EP300: variants seen among roughly 807,000 people sequenced by gnomAD.
EP300 encodes EP300 lysine acetyltransferase.
EP300 carries 31 observed loss-of-function variants against 264.0 expected under a neutral mutation model. The ratio of observed to expected loss-of-function variants is 0.12; its 90% CI spans 0.09 to 0.16. EP300 has a LOEUF of 0.16. Ranked by LOEUF, EP300 falls within the 10% of genes least tolerant of loss-of-function variation. EP300 has a pLI of 1.00. For missense variants in EP300, 2,766 were observed against 3,052.9 expected, an observed-to-expected ratio of 0.91 and a Z score of 2.21; for synonymous variants, 1,340 against 1,045.4, an observed-to-expected ratio of 1.28 and a Z score of -5.44.
rs760676839 is a variant in EP300, at chr22:41,178,091, A to G, written c.6380A>G (p.Asn2127Ser). The G allele has an allele frequency of 2.5e-6, 4 of 1,613,896 alleles. No homozygotes were observed. Among genetic ancestry groups the G allele is most frequent in the South Asian group, 1.1e-5 (1 of 91,076 alleles). The change falls in exon 31 of 31, where the codon AAT becomes AGT. Residue 2127 changes from asparagine (N) to serine (S), a missense_variant. Coordinates refer to ENST00000263253, the MANE Select transcript of EP300 (RefSeq NM_001429.4). ...TMPGQQGVHS[N>S]PAMQNMNPMQ... ...CCAGGTCAGCAGGGGGTCCACTCCA[A>G]TCCAGCCATGCAGAACATGAATCCA...
intron 1 of EP300, among the ~76,000 whole-genome samples, chr22:41,109,230 G>C (rs1323925116): frequency 6.8e-6 from 1 of 147,544 alleles, no homozygotes; most frequent in Admixed American, 7.0e-5. Flanking sequence ...CTCCAGGCTG[G>C]GCGACAGAGC....
intron 6 of EP300, among the ~76,000 whole-genome samples, chr22:41,135,219 T>TA (rs2058943777): frequency 6.6e-6 from 1 of 152,198 alleles, no homozygotes; most frequent in Non-Finnish European, 1.5e-5. Flanking sequence ...CATTCCATGT[T>TA]ACGCAGAATG....
intron 1 of EP300, among the ~76,000 whole-genome samples, chr22:41,110,731 C>G (rs993219240): frequency 6.6e-6 from 1 of 151,954 alleles, no homozygotes; most frequent in African/African-American, 2.4e-5. Context: ...TTTCACACTT[C>G]CAGTGGTCCT....
In EP300 at chr22:41,117,830, A is replaced by G. The variant is rs377647500; in HGVS notation, c.729+9A>G. 6.2e-7 allele frequency: 1 copy of G among 1,613,648 alleles called. No homozygotes were observed. Among genetic ancestry groups the G allele is most frequent in the Non-Finnish European group, 8.5e-7 (1 of 1,180,034 alleles). ...GCCCCCAGCCTCTTAAGGTAAGTACAGTTTTGGTTTGTGTGCACAATCGGC... is the reference window on the plus strand; with the variant it reads ...GCCCCCAGCCTCTTAAGGTAAGTACGGTTTTGGTTTGTGTGCACAATCGGC... On this transcript the variant is annotated intron_variant, in intron 2 of 30. Coordinates refer to ENST00000263253, the MANE Select transcript of EP300 (RefSeq NM_001429.4).
chr22:41,117,573 C>T lies in EP300; in HGVS notation c.481C>T (p.Pro161Ser), dbSNP rs745566349. 2 of 1,614,122 alleles carry T rather than the reference C, an allele frequency of 1.2e-6. No homozygotes were observed. Among genetic ancestry groups the T allele is most frequent in the East Asian group, 4.5e-5 (2 of 44,906 alleles). Residue 161 changes from proline to serine, a missense_variant, in exon 2 of 31, where the codon CCT becomes TCT. Coordinates refer to ENST00000263253, the MANE Select transcript of EP300 (RefSeq NM_001429.4). ...TGMMNSPVNQ[P>S]AMGMNTGMNA... The stretch of plus-strand genomic sequence containing the variant: ...TATGATGAACAGTCCAGTAAATCAG[C>T]CTGCCATGGGAATGAACACAGGGAT...
rs1388030071 is a variant in EP300 at position 41,129,863 on chromosome 22, T to G, written c.1169-27T>G. On this transcript the variant is annotated intron_variant, in intron 4 of 30. Transcript: ENST00000263253. ...TAATGTAAAAACATTAACCTGCTCT[T>G]GAAAAAATATGTTTTCTTCTCTTTA... is the stretch of plus-strand genomic sequence containing the variant. The G allele has an allele frequency of 7.6e-6, 12 of 1,582,878 alleles. No individual in the cohort carries two copies. The South Asian group carries it at 1.3e-4, about 18-fold the overall frequency.
chr22:41,151,439 C>G (rs1425505145), intron 14 of EP300, among the ~76,000 whole-genome samples: 1 of 152,166 alleles, frequency 6.6e-6, no homozygotes, highest in Admixed American at 6.5e-5. Flanking sequence ...TTATTGTCTC[C>G]TTTTCTGTAC....
intron 6 of EP300, among the ~76,000 whole-genome samples, chr22:41,133,719 T>C (rs1226967245): frequency 6.6e-6 from 1 of 152,172 alleles, no homozygotes; most frequent in Non-Finnish European, 1.5e-5. Context: ...GTTGCTCCCA[T>C]TTTTGGTTTT....
At position 41,158,514 on chromosome 22, in the gene EP300, G is replaced by A; in HGVS notation, c.3590+14G>A. The A allele has an allele frequency of 6.2e-7, 1 of 1,611,330 alleles. No individual in the cohort carries two copies. Among genetic ancestry groups the A allele is most frequent in the Non-Finnish European group, 8.5e-7 (1 of 1,177,696 alleles). On this transcript the variant is annotated intron_variant, in intron 19 of 30. Transcript: ENST00000263253. ...TTACCAGAACAGGTAAGCTTGGCCA[G>A]GTGTGGACCATGGTCCATGTGTCCA...
intron 2 of EP300, among the ~76,000 whole-genome samples, chr22:41,119,848 G>T (rs917228148): frequency 6.6e-6 from 1 of 152,060 alleles, no homozygotes; most frequent in African/African-American, 2.4e-5. Context: ...ACCGAGTCTT[G>T]CTGTTGCCCA....
chr22:41,165,925 C>T (rs2059131516), intron 22 of EP300, among the ~76,000 whole-genome samples: 1 of 151,948 alleles, frequency 6.6e-6, no homozygotes, highest in South Asian at 2.1e-4. Context: ...GCTGGGATTA[C>T]AGGCACATAC....
intron 19 of EP300, 85 bp from the exon 20 acceptor site, chr22:41,160,554 CCTG>C (rs2059102628): frequency 8.1e-7 from 1 of 1,238,412 alleles, no homozygotes; most frequent in Non-Finnish European, 1.2e-6. Flanking sequence ...CCCTCCTTGG[CCTG>C]CTGTGATTGG....
chr22:41,160,528 C>A, intron 19 of EP300, 114 bp from the exon 20 acceptor site: 1 of 864,078 alleles, frequency 1.2e-6, no homozygotes, highest in African/African-American at 1.6e-5. Context: ...TGATGACCTG[C>A]TCTCTGCTCC....
intron 1 of EP300, among the ~76,000 whole-genome samples, chr22:41,098,176 GAACT>G (rs1410081651): frequency 2.0e-5 from 3 of 151,834 alleles, no homozygotes. Context: ...TTTTAACATT[GAACT>G]TCGCAGGTGA....
At chr22:41,146,221 G>A (rs2059010032) in intron 10 of EP300, among the ~76,000 whole-genome samples, 1 of 149,218 alleles carries the variant, frequency 6.7e-6, no homozygotes, top group South Asian at 2.1e-4. Flanking sequence ...CTGGAGTGCA[G>A]TCGTGTGATC....
intron 1 of EP300, among the ~76,000 whole-genome samples, chr22:41,096,104 G>A (rs1429718758): frequency 6.6e-6 from 1 of 151,858 alleles, no homozygotes; most frequent in Non-Finnish European, 1.5e-5. Context: ...ATTTCATTTG[G>A]TATGGTTAGG....
intron 29 of EP300, chr22:41,176,046 C>G (rs1332937639): frequency 3.2e-6 from 2 of 621,720 alleles, no homozygotes; most frequent in East Asian, 5.6e-5. Context: ...ATGGCGAAGC[C>G]TCGTCTCTAC....
rs376889375 is a variant in EP300, at chr22:41,100,959, C to T, written c.94+7861C>T. 5.3e-5 allele frequency among the ~76,000 whole-genome samples: 8 copies of T among 151,452 alleles called. No individual in the cohort carries two copies. In the East Asian group the frequency reaches 5.8e-4, roughly 11 times the overall value. On this transcript the variant is annotated intron_variant, in intron 1 of 30. Transcript: ENST00000263253. Reference sequence around the variant, plus strand: ...CCTATCATGTAAGATGTCTTGTATACGTAAGTAATAGAAATGAAAATCAGC... The same window carrying T: ...CCTATCATGTAAGATGTCTTGTATATGTAAGTAATAGAAATGAAAATCAGC...
At chr22:41,160,500 G>A in intron 19 of EP300, 142 bp from the exon 20 acceptor site, 2 of 696,538 alleles carry the variant, frequency 2.9e-6, no homozygotes, top group South Asian at 1.5e-5. Context: ...CTGCATCATT[G>A]AATGTCCTTG....
Sources: gnomAD v4.1 joint callset for allele counts (sites outside exome capture counted in the v4.1 genomes callset) on GRCh38, gnomAD v4.1.1 for gene constraint, MANE v1.5 for transcripts, NCBI Gene and HGNC (gene_info 2026-07-23, HGNC 2026-07-21) for gene names.